The following ZNF221 variants were observed in gnomAD, a reference collection of about 807,000 sequenced individuals.
The protein encoded by ZNF221 is zinc finger protein 221.
In ZNF221, 10 loss-of-function variants were observed where a neutral mutation model predicts 12.6. The observed-to-expected ratio is 0.79, with a 90% CI of 0.49 to 1.34. The LOEUF (loss-of-function observed/expected upper bound fraction) is 1.34, where lower values mean the gene tolerates loss of function less well. Among genes scored for constraint, ZNF221 ranks in the 40% most tolerant of loss-of-function variants. The pLI is 0.00. For synonymous variants in ZNF221, 232 were observed against 244.0 expected, an observed-to-expected ratio of 0.95 and a Z score of 0.46; for missense variants, 661 against 721.4, an observed-to-expected ratio of 0.92 and a Z score of 0.96.
chr19:43,976,468 C>T, the ZNF221 span, among the ~76,000 whole-genome samples: 4 of 152,038 alleles, frequency 2.6e-5, no homozygotes, highest in Admixed American at 1.3e-4. Context: ...GCCTGGGAGG[C>T]GGAGGTTGCA....
the ZNF221 span, among the ~76,000 whole-genome samples, chr19:43,980,826 C>T: frequency 1.3e-5 from 2 of 152,152 alleles, no homozygotes; most frequent in Non-Finnish European, 1.5e-5. Context: ...TTTTGTGTGA[C>T]CTGAAAACAT....
Position 43,958,889 on chromosome 19 carries a change from CAA to C in ZNF221, c.-2-3834_-2-3833del, listed in dbSNP as rs370202118. 1.4e-3 allele frequency among the ~76,000 whole-genome samples: 210 copies of C among 152,234 alleles called. 1 individual carries two copies. Among genetic ancestry groups the C allele is most frequent in the African/African-American group, 4.5e-3 (189 of 41,548 alleles). Reference sequence around the variant, plus strand: ...CTGGTCTGAGCCAGGAACAAGAAAACAAAGAAGGAAGTTAAGAGGTCAAGCTC... The same window carrying C: ...CTGGTCTGAGCCAGGAACAAGAAAACAGAAGGAAGTTAAGAGGTCAAGCTC... On this transcript the variant is annotated intron_variant, in intron 1 of 4. Coordinates refer to ENST00000587682, the MANE Select transcript of ZNF221 (RefSeq NM_001297588.2).
chr19:43,953,111 C>T (rs1277716085), intron 1 of ZNF221, among the ~76,000 whole-genome samples: 1 of 152,042 alleles, frequency 6.6e-6, no homozygotes, highest in Non-Finnish European at 1.5e-5. Context: ...GGATTATAGG[C>T]ACACACCACC....
intron 1 of ZNF221, among the ~76,000 whole-genome samples, chr19:43,957,883 C>T (rs1195885086): frequency 6.6e-6 from 1 of 152,190 alleles, no homozygotes; most frequent in Non-Finnish European, 1.5e-5. Context: ...TTGTGAATTG[C>T]AATCAAGAAG....
At chr19:43,973,889 A>G in the ZNF221 span, among the ~76,000 whole-genome samples, 1 of 152,230 alleles carries the variant, frequency 6.6e-6, no homozygotes, top group East Asian at 1.9e-4. Flanking sequence ...AGAATTAGAA[A>G]AAAAAACCTA....
Position 43,967,170 on chromosome 19 carries a change from C to A in ZNF221, c.1668C>A (p.His556Gln). The change falls in exon 5 of 5, where the codon CAC becomes CAA. Residue 556 changes from histidine to glutamine, a missense_variant. His to Gln is a conservative substitution (Grantham distance 24, BLOSUM62 0). Coordinates refer to ENST00000587682, the MANE Select transcript of ZNF221 (RefSeq NM_001297588.2). ...KFNLDMHQRV[H>Q]GGERPYNCKE... ...ATCTTGACATGCACCAGAGGGTCCA[C>A]GGGGGAGAGCGACCCTATAATTGTA... 1 of 1,591,256 alleles carries A rather than the reference C, an allele frequency of 6.3e-7. No homozygotes were observed. Among genetic ancestry groups the A allele is most frequent in the Non-Finnish European group, 8.6e-7 (1 of 1,165,042 alleles).
In ZNF221 at chr19:43,966,689, G is replaced by T. The variant is rs750797026; in HGVS notation, c.1187G>T (p.Cys396Phe). ...MVHTGEKPYN[C>F]KECGKTFRWS... ...CACACAGGAGAGAAACCATATAATTGTAAAGAATGTGGGAAGACCTTCAGA... is the reference window on the plus strand; with the variant it reads ...CACACAGGAGAGAAACCATATAATTTTAAAGAATGTGGGAAGACCTTCAGA... The change falls in exon 5 of 5, where the codon TGT (cysteine) becomes TTT (phenylalanine). Residue 396 changes from cysteine (C) to phenylalanine (F), a missense_variant. Cys to Phe is a radical substitution (Grantham distance 205, BLOSUM62 -2). Transcript: ENST00000587682. 1 of 1,614,222 alleles carries T rather than the reference G, an allele frequency of 6.2e-7. No homozygotes were observed. The highest frequency in any genetic ancestry group is 1.1e-5 in the South Asian group (1 of 91,088).
At chr19:43,954,601 C>T (rs1974725795) in intron 1 of ZNF221, among the ~76,000 whole-genome samples, 2 of 152,142 alleles carry the variant, frequency 1.3e-5, no homozygotes, top group South Asian at 2.1e-4. Context: ...CCCAATTTTG[C>T]CAGATGGGGT....
intron 2 of ZNF221, among the ~76,000 whole-genome samples, chr19:43,964,352 A>G (rs1009545663): frequency 1.3e-5 from 2 of 152,184 alleles, no homozygotes; most frequent in African/African-American, 4.8e-5. Context: ...CTAGGAAGGG[A>G]CAAAGCTTTG....
intron 2 of ZNF221, among the ~76,000 whole-genome samples, chr19:43,963,916 A>G (rs1017419866): frequency 5.9e-5 from 9 of 152,318 alleles, no homozygotes; most frequent in African/African-American, 2.2e-4. Flanking sequence ...AAGAGTGGGA[A>G]GTAGGTAAAA....
At chr19:43,951,731 C>T (rs1219049536) in intron 1 of ZNF221, among the ~76,000 whole-genome samples, 2 of 151,996 alleles carry the variant, frequency 1.3e-5, no homozygotes, top group Admixed American at 1.3e-4. Context: ...TAGTGAATGG[C>T]GATCTCTTGT....
downstream of ZNF221, among the ~76,000 whole-genome samples, chr19:43,972,275 A>C (rs185374046): frequency 1.3e-5 from 2 of 152,344 alleles, no homozygotes; most frequent in East Asian, 3.9e-4. Context: ...GATGCAGCTA[A>C]AGAAGTGTTA....
intron 1 of ZNF221, among the ~76,000 whole-genome samples, chr19:43,951,977 C>A (rs1178381891): frequency 6.7e-6 from 1 of 149,176 alleles, no homozygotes. Flanking sequence ...GGGTTCACGC[C>A]ATTCTCCTGC....
chr19:43,971,124 A>G (rs1027332245), downstream of ZNF221, among the ~76,000 whole-genome samples: 1 of 152,172 alleles, frequency 6.6e-6, no homozygotes, highest in African/African-American at 2.4e-5. Context: ...GCATTCTTAA[A>G]GAATTCTTTG....
the ZNF221 span, among the ~76,000 whole-genome samples, chr19:43,979,440 TATATGGAA>T: frequency 4.2e-5 from 5 of 118,650 alleles, no homozygotes; most frequent in African/African-American, 1.5e-4. Context: ...TATATATATA[TATATGGAA>T]GGCATTTTGT....
chr19:43,953,844 A>G (rs922777995), intron 1 of ZNF221, among the ~76,000 whole-genome samples: 1 of 152,066 alleles, frequency 6.6e-6, no homozygotes, highest in African/African-American at 2.4e-5. Flanking sequence ...CACTTTTGGG[A>G]GGCTGAGGTG....
chr19:43,951,794 G>C (rs150955089), intron 1 of ZNF221, among the ~76,000 whole-genome samples: 1 of 149,862 alleles, frequency 6.7e-6, no homozygotes, highest in African/African-American at 2.5e-5. Context: ...GCTCCAGCTG[G>C]CTCTTCTCTC....
chr19:43,963,745 G>A (rs1256641620), intron 2 of ZNF221, among the ~76,000 whole-genome samples: 1 of 152,192 alleles, frequency 6.6e-6, no homozygotes, highest in African/African-American at 2.4e-5. Context: ...AGGCAACCAA[G>A]GTCAGGAATG....
chr19:43,970,959 AATC>A (rs1975085274), downstream of ZNF221, among the ~76,000 whole-genome samples: 1 of 152,160 alleles, frequency 6.6e-6, no homozygotes, highest in Non-Finnish European at 1.5e-5. Flanking sequence ...CAAGACACAT[AATC>A]ATCAGATTCT....
Sources: allele counts gnomAD v4.1 joint callset (sites outside exome capture counted in the v4.1 genomes callset), GRCh38; gene constraint gnomAD v4.1.1; transcripts MANE v1.5; gene names NCBI Gene and HGNC (gene_info 2026-07-23, HGNC 2026-07-21).